The following PRR35 variants were observed in gnomAD, a reference collection of about 807,000 sequenced individuals.
The protein encoded by PRR35 is proline-rich protein 35.
A neutral mutation model predicts 18.6 loss-of-function variants in PRR35; 14 were observed. That is an observed-to-expected ratio of 0.75 (90% CI 0.50 to 1.18). The LOEUF is 1.18. PRR35 is among the 50% of genes most tolerant of loss of function. PRR35 has a pLI of 0.00. For synonymous variants in PRR35, 425 were observed against 378.2 expected (o/e 1.12, Z -1.43); for missense variants, 832 against 792.2 (o/e 1.05, Z -0.60).
In PRR35 at chr16:564,767, G is replaced by A. The variant is rs764771190; in HGVS notation, c.1176G>A (p.Gln392=). The A allele has an allele frequency of 7.1e-6, 11 of 1,540,756 alleles. No individual in the cohort carries two copies. The highest frequency in any genetic ancestry group is 9.6e-6 in the Non-Finnish European group (11 of 1,149,338). Residue 392 remains glutamine, a synonymous_variant, in exon 3 of 3, where the codon CAG becomes CAA. Coordinates refer to ENST00000409413, the MANE Select transcript of PRR35 (RefSeq NM_145270.3). ...TPGPEGPLPL[Q]PRGPVPGSPE... ...GCCCTGAGGGCCCCCTCCCCCTGCA[G>A]CCACGGGGCCCAGTGCCAGGAAGCC... is the stretch of plus-strand genomic sequence containing the variant.
rs747946830 is a variant in PRR35 at position 564,263 on chromosome 16, G to A, written c.969G>A (p.Glu323=). The change falls in exon 2 of 3, where the codon GAG becomes GAA. Residue 323 remains glutamate (E), a synonymous_variant. Coordinates refer to ENST00000409413, the MANE Select transcript of PRR35 (RefSeq NM_145270.3). ...PRVTPRDPGQ[E]GELERAAQSD... ...TCACCCCCAGGGACCCAGGGCAGGA[G>A]GGGGAGCTGGAGCGGGCAGCCCAGA... 4 of 1,578,324 alleles carry A rather than the reference G, an allele frequency of 2.5e-6. No individual in the cohort carries two copies. Among genetic ancestry groups the A allele is most frequent in the Admixed American group, 1.8e-5 (1 of 55,718 alleles).
In PRR35 at chr16:565,416, G is replaced by T. The variant is rs1717786917; in HGVS notation, c.*109G>T. On this transcript the variant is annotated 3_prime_UTR_variant, in exon 3 of 3. Coordinates refer to ENST00000409413, the MANE Select transcript of PRR35 (RefSeq NM_145270.3). ...CCTGCCCCGCCTCCGCATGCATGTG[G>T]ATAGACCCCCACGGGCCGTGGCCAA... The T allele has an allele frequency of 1.6e-6, 2 of 1,213,200 alleles. No homozygotes were observed. 75.2% of individuals were successfully genotyped at this position (1,213,200 alleles called of 1,614,324 possible). A position where few individuals can be genotyped will look rare whatever the true frequency, so the allele number is the denominator to read the frequency against.
In PRR35 at chr16:564,328, A is replaced by C; in HGVS notation, c.1034A>C (p.Glu345Ala). 6.3e-7 allele frequency: 1 copy of C among 1,580,926 alleles called. No homozygotes were observed. The change falls in exon 2 of 3, where the codon GAG becomes GCG. Residue 345 changes from glutamate to alanine, a missense_variant. This residue lies in a region of PRR35 where 768 missense variants were observed against 704.1 expected (regional missense o/e 1.09). Coordinates refer to ENST00000409413, the MANE Select transcript of PRR35 (RefSeq NM_145270.3). ...RRRLSLGSRL[E>A]LPKASPSLTR... Reference sequence around the variant, plus strand: ...AGGCTGTCCCTGGGAAGCAGGCTGGAGCTTCCGAAGGCATCCCCCAGCCTG... The same window carrying C: ...AGGCTGTCCCTGGGAAGCAGGCTGGCGCTTCCGAAGGCATCCCCCAGCCTG...
In PRR35 at chr16:563,911, T is replaced by C. The variant is rs1291715672; in HGVS notation, c.617T>C (p.Leu206Pro). ...TTCCCTGAGGCCCACAGCCTCCACC[T>C]GTCTCTGCTGGGCGTCAACTACCCG... is the stretch of plus-strand genomic sequence containing the variant. ...GEFPEAHSLH[L>P]SLLGVNYPLS... The change falls in exon 2 of 3, where the codon CTG (leucine) becomes CCG (proline). Residue 206 changes from leucine to proline, a missense_variant. Physicochemically the swap from Leu to Pro is moderately conservative, Grantham distance 98. This residue lies in a region of PRR35 where 768 missense variants were observed against 704.1 expected (regional missense o/e 1.09). Transcript: ENST00000409413. 1 of 1,590,326 alleles carries C rather than the reference T, an allele frequency of 6.3e-7. No individual in the cohort carries two copies. Among genetic ancestry groups the C allele is most frequent in the Non-Finnish European group, 8.5e-7 (1 of 1,169,650 alleles).
At chr16:564,558 C>T in intron 2 of PRR35, 116 bp from the exon 3 acceptor site, 1 of 1,403,740 alleles carries the variant, frequency 7.1e-7, no homozygotes, top group Non-Finnish European at 9.4e-7. Flanking sequence ...TCGGGGTCTC[C>T]AGGAGAGCCT....
At chr16:561,360 G>A (rs2142105891) in intron 1 of PRR35, among the ~76,000 whole-genome samples, 1 of 152,304 alleles carries the variant, frequency 6.6e-6, no homozygotes, top group African/African-American at 2.4e-5. Flanking sequence ...TGGCACAGCT[G>A]TGTGGCTCCC....
Position 563,537 on chromosome 16 carries a change from C to T in PRR35, c.243C>T (p.Thr81=). 6.2e-7 allele frequency: 1 copy of T among 1,611,344 alleles called. No individual in the cohort carries two copies. The highest frequency in any genetic ancestry group is 8.5e-7 in the Non-Finnish European group (1 of 1,179,310). ...ACTGGGCGTGCCGCCGTGGCTCCAC[C>T]ACGCCTAGGCCCCACGCACCCACCC... ...SPDWACRRGS[T]TPRPHAPTPD... is the part of the protein sequence containing the mutation. The change falls in exon 2 of 3, where the codon ACC becomes ACT. Residue 81 remains threonine (T), a synonymous_variant. Transcript: ENST00000409413.
chr16:561,686 C>T (rs1306423891), intron 1 of PRR35: 1 of 966,372 alleles, frequency 1.0e-6, no homozygotes, highest in Admixed American at 6.2e-5. Flanking sequence ...TGTTGGTCGT[C>T]CCCCCAACGG....
chr16:563,879 A>C lies in PRR35; in HGVS notation c.585A>C (p.Pro195=), dbSNP rs199856420. The C allele has an allele frequency of 1.9e-4, 300 of 1,575,186 alleles. 1 individual carries two copies. The African/African-American group carries it at 3.6e-3, about 19-fold the overall frequency. Residue 195 remains proline, a synonymous_variant, in exon 2 of 3, where the codon CCA becomes CCC. Transcript: ENST00000409413. ...GSVPCYPPPA[P]GEFPEAHSLH... ...TCCCCTGCTATCCCCCGCCTGCCCCAGGGGAGTTCCCTGAGGCCCACAGCC... is the reference window on the plus strand; with the variant it reads ...TCCCCTGCTATCCCCCGCCTGCCCCCGGGGAGTTCCCTGAGGCCCACAGCC...
At chr16:562,740 T>G (rs894864321) in intron 1 of PRR35, among the ~76,000 whole-genome samples, 4 of 152,258 alleles carry the variant, frequency 2.6e-5, no homozygotes, top group Non-Finnish European at 4.4e-5. Context: ...ACCAGGAGGC[T>G]GACGTCCACC....
chr16:564,445 C>CGGCTGGGCATGGCGGTTGGGT, intron 2 of PRR35, 69 bp downstream of exon 2: 5 of 1,550,328 alleles, frequency 3.2e-6, no homozygotes, highest in Non-Finnish European at 4.3e-6. Flanking sequence ...GGCGGTTGGG[C>CGGCTGGGCATGGCGGTTGGGT]GGCTGGGCAT....
Position 565,355 on chromosome 16 carries a change from CCT to C in PRR35, c.*52_*53del. 7.0e-7 allele frequency: 1 copy of C among 1,418,788 alleles called. No homozygotes were observed. The highest frequency in any genetic ancestry group is 9.2e-7 in the Non-Finnish European group (1 of 1,083,050). The allele number at this position is 1,418,788 out of a possible 1,614,324, so 87.9% of individuals were successfully genotyped here. On this transcript the variant is annotated 3_prime_UTR_variant, in exon 3 of 3. Transcript: ENST00000409413. Reference sequence around the variant, plus strand: ...TGTCTCTGCCTGCAGCATGCCGGCCCCTCTCCTGCAGCCCCTGCCCCTCACCT... The same window carrying C: ...TGTCTCTGCCTGCAGCATGCCGGCCCCTCCTGCAGCCCCTGCCCCTCACCT...
rs1332458323 is a variant in PRR35 at position 564,314 on chromosome 16, G to C, written c.1020G>C (p.Leu340=). 3.2e-6 allele frequency: 5 copies of C among 1,580,362 alleles called. No individual in the cohort carries two copies. Among genetic ancestry groups the C allele is most frequent in the Non-Finnish European group, 4.3e-6 (5 of 1,168,398 alleles). ...GTGACCCCAGGAGGAGGCTGTCCCT[G>C]GGAAGCAGGCTGGAGCTTCCGAAGG... ...AQSDPRRRLS[L]GSRLELPKAS... is the part of the protein sequence containing the mutation. The change falls in exon 2 of 3, where the codon CTG becomes CTC. Residue 340 remains leucine (L), a synonymous_variant. Coordinates refer to ENST00000409413, the MANE Select transcript of PRR35 (RefSeq NM_145270.3).
chr16:563,700 G>T lies in PRR35; in HGVS notation c.406G>T (p.Gly136Trp), dbSNP rs1262465199. Residue 136 changes from glycine (G) to tryptophan (W), a missense_variant, in exon 2 of 3, where the codon GGG (glycine) becomes TGG (tryptophan). Physicochemically the swap from Gly to Trp is radical, Grantham distance 184. Transcript: ENST00000409413. ...CGGGPKSRAK[G>W]SPGPPPPVAR... ...CGGAGGCCCCAAGTCCAGGGCCAAG[G>T]GGTCCCCAGGGCCACCACCCCCTGT... 3.2e-6 allele frequency: 5 copies of T among 1,553,570 alleles called. No individual in the cohort carries two copies. The African/African-American group carries it at 5.4e-5, about 17-fold the overall frequency.
At chr16:562,527 A>ATG (rs2035453563) in intron 1 of PRR35, among the ~76,000 whole-genome samples, 5 of 122,272 alleles carry the variant, frequency 4.1e-5, no homozygotes, top group East Asian at 3.3e-4. Flanking sequence ...ACAGGCGCAC[A>ATG]CACGTGTGCA....
chr16:560,762 G>A (rs1253639100), intron 1 of PRR35, 101 bp downstream of exon 1: 3 of 899,610 alleles, frequency 3.3e-6, no homozygotes, highest in Non-Finnish European at 4.0e-6. Context: ...TGGGGGGCGC[G>A]GGGGGCGGCC....
Position 560,514 on chromosome 16 carries a change from TC to T in PRR35, c.-182del. On this transcript the variant is annotated 5_prime_UTR_variant, in exon 1 of 3. Coordinates refer to ENST00000409413, the MANE Select transcript of PRR35 (RefSeq NM_145270.3). Reference sequence around the variant, plus strand: ...CGGCTCCCGGCGCCGGGCCTCAGTTTCCCCCACGGGAGCCGCATCCCACCCC... The same window carrying T: ...CGGCTCCCGGCGCCGGGCCTCAGTTTCCCCACGGGAGCCGCATCCCACCCC... 4 of 982,110 alleles carry T rather than the reference TC, an allele frequency of 4.1e-6. No individual in the cohort carries two copies. The highest frequency in any genetic ancestry group is 4.8e-6 in the Non-Finnish European group (4 of 828,700). The allele number at this position is 982,110 out of a possible 1,614,324, so 60.8% of individuals were successfully genotyped here.
upstream of PRR35, chr16:560,229 G>T (rs1409117113): frequency 8.0e-6 from 5 of 623,826 alleles, no homozygotes; most frequent in South Asian, 2.8e-4. Flanking sequence ...CCCGGCGCAC[G>T]AGGCCGGTGA....
upstream of PRR35, chr16:560,236 G>A: frequency 4.5e-6 from 3 of 666,970 alleles, no homozygotes; most frequent in Non-Finnish European, 5.5e-6. Context: ...CACGAGGCCG[G>A]TGAGTGCGCG....
Sources: gnomAD v4.1 joint callset for allele counts (sites outside exome capture counted in the v4.1 genomes callset) on GRCh38, gnomAD v4.1.1 for gene constraint, gnomAD v4.1.1 regional missense constraint, MANE v1.5 for transcripts, NCBI Gene and HGNC (gene_info 2026-07-23, HGNC 2026-07-21) for gene names.